Variants in DPYD observed in about 807,000 individuals in gnomAD.
The protein encoded by DPYD is dihydropyrimidine dehydrogenase, also known as dihydropyrimidine dehydrogenase [NADP(+)].
Under a neutral mutation model 116.2 loss-of-function variants are expected in DPYD, and 109 were observed. The observed-to-expected ratio is 0.94, with a 90% CI of 0.80 to 1.10. The LOEUF is 1.10. Ranked by LOEUF, DPYD falls within the 50% of genes least tolerant of loss-of-function variation. DPYD has a pLI of 0.00. For missense variants in DPYD, 1,302 were observed against 1,254.5 expected, an observed-to-expected ratio of 1.04 and a Z score of -0.57; for synonymous variants, 440 against 432.0, an observed-to-expected ratio of 1.02 and a Z score of -0.23.
rs1205941744 is a variant in DPYD at position 97,370,456 on chromosome 1, T to A, written c.2058+3105A>T. Among the ~76,000 whole-genome samples, 3 of 152,000 alleles carry A rather than the reference T, an allele frequency of 2.0e-5. No individual in the cohort carries two copies. In the East Asian group the frequency reaches 5.8e-4, roughly 29 times the overall value. ...AGAGGGCTGAGAGCATTAGGACAAA[T>A]ATCTAATGCATGCAGGGCTTAAAAC... On this transcript the variant is annotated intron_variant, in intron 16 of 22. Transcript: ENST00000370192.
intron 5 of DPYD, among the ~76,000 whole-genome samples, chr1:97,717,550 T>G (rs1270027355): frequency 1.3e-5 from 2 of 152,026 alleles, no homozygotes; most frequent in Admixed American, 6.6e-5. Flanking sequence ...ACCCAAGTAG[T>G]GTACACTGTA....
chr1:97,352,748 T>C (rs1423663754), intron 16 of DPYD, among the ~76,000 whole-genome samples: 1 of 152,172 alleles, frequency 6.6e-6, no homozygotes, highest in Non-Finnish European at 1.5e-5. Context: ...GACACGTGTT[T>C]GGGGTTCTTG....
chr1:97,513,627 G>A (rs538578892), intron 13 of DPYD, among the ~76,000 whole-genome samples: 1 of 151,758 alleles, frequency 6.6e-6, no homozygotes, highest in East Asian at 1.9e-4. Context: ...ATCTAAATTG[G>A]TATACTATAA....
intron 20 of DPYD, among the ~76,000 whole-genome samples, chr1:97,176,899 G>GTGTGTGT (rs933971129): frequency 8.7e-5 from 3 of 34,536 alleles, no homozygotes; most frequent in African/African-American, 1.3e-4. Flanking sequence ...TGTGTGTGTA[G>GTGTGTGT]GGGGGGTGTC....
chr1:97,779,497 T>C (rs898369649), intron 3 of DPYD, among the ~76,000 whole-genome samples: 1 of 152,094 alleles, frequency 6.6e-6, no homozygotes, highest in Non-Finnish European at 1.5e-5. Flanking sequence ...AGTACCTGTC[T>C]ACATATAACC....
At chr1:97,190,912 A>G (rs1432925925) in intron 20 of DPYD, among the ~76,000 whole-genome samples, 3 of 152,160 alleles carry the variant, frequency 2.0e-5, no homozygotes, top group Non-Finnish European at 4.4e-5. Flanking sequence ...TCCTGTGTAA[A>G]GAAGCCAGAT....
chr1:97,518,368 T>C (rs1379337504), intron 12 of DPYD, among the ~76,000 whole-genome samples: 1 of 152,092 alleles, frequency 6.6e-6, no homozygotes, highest in Non-Finnish European at 1.5e-5. Flanking sequence ...AGCTTTGTCT[T>C]TGTCGTGCTA....
intron 14 of DPYD, among the ~76,000 whole-genome samples, chr1:97,424,677 G>A (rs561993242): frequency 6.6e-6 from 1 of 151,982 alleles, no homozygotes; most frequent in South Asian, 2.1e-4. Flanking sequence ...TCGTAAGATC[G>A]ATGTTTCTCC....
intron 1 of DPYD, among the ~76,000 whole-genome samples, chr1:97,884,687 C>T (rs138962349): frequency 6.6e-6 from 1 of 152,114 alleles, no homozygotes; most frequent in East Asian, 1.9e-4. Context: ...ATCACTGAAA[C>T]ATCTCTACCA....
chr1:97,818,652 A>G (rs1031230926), intron 3 of DPYD, among the ~76,000 whole-genome samples: 1 of 152,030 alleles, frequency 6.6e-6, no homozygotes, highest in African/African-American at 2.4e-5. Flanking sequence ...TTGAGCAGTG[A>G]GATTGGAAAC....
chr1:97,848,171 C>A (rs1332861848), intron 2 of DPYD, among the ~76,000 whole-genome samples: 3 of 152,158 alleles, frequency 2.0e-5, no homozygotes, highest in Non-Finnish European at 4.4e-5. Context: ...GATCTTGGCT[C>A]ACTGCAAGCT....
At chr1:97,683,647 AG>A (rs1435846125) in intron 7 of DPYD, among the ~76,000 whole-genome samples, 1 of 152,090 alleles carries the variant, frequency 6.6e-6, no homozygotes, top group Non-Finnish European at 1.5e-5. Context: ...TTACAAAAAA[AG>A]GTATAAATAA....
At chr1:97,466,483 G>A (rs1049273210) in intron 13 of DPYD, among the ~76,000 whole-genome samples, 3 of 151,162 alleles carry the variant, frequency 2.0e-5, no homozygotes, top group Admixed American at 6.6e-5. Context: ...AGTAACAATC[G>A]AGTCAGTCAC....
intron 4 of DPYD, among the ~76,000 whole-genome samples, chr1:97,725,926 T>G (rs954902296): frequency 6.6e-6 from 1 of 151,530 alleles, no homozygotes; most frequent in African/African-American, 2.4e-5. Flanking sequence ...GCAAATGTAC[T>G]AGACATCAGT....
intron 8 of DPYD, among the ~76,000 whole-genome samples, chr1:97,597,220 CT>C (rs1189540355): frequency 6.6e-6 from 1 of 152,190 alleles, no homozygotes; most frequent in Non-Finnish European, 1.5e-5. Context: ...ATTAGCTTTT[CT>C]TTCCAGTTTA....
chr1:97,613,669 G>A (rs985930245), intron 8 of DPYD, among the ~76,000 whole-genome samples: 10 of 151,934 alleles, frequency 6.6e-5, no homozygotes, highest in Non-Finnish European at 1.0e-4. Context: ...CATGAATATA[G>A]CGTTTAAGTA....
chr1:97,607,236 T>C (rs1202999155), intron 8 of DPYD, among the ~76,000 whole-genome samples: 1 of 151,936 alleles, frequency 6.6e-6, no homozygotes. Context: ...TTTGGTCCCT[T>C]GTGGTTATAA....
chr1:97,858,692 T>TA (rs532856875), intron 2 of DPYD, among the ~76,000 whole-genome samples: 1 of 151,940 alleles, frequency 6.6e-6, no homozygotes, highest in Non-Finnish European at 1.5e-5. Flanking sequence ...TAAACTGGTT[T>TA]AAAAAAAATG....
intron 5 of DPYD, chr1:97,700,165 C>G (rs1341994134): frequency 4.4e-6 from 2 of 453,140 alleles, no homozygotes; most frequent in Admixed American, 2.4e-5. Context: ...GTCACTTTTC[C>G]CCTGAGGGAT....
Sources: allele counts gnomAD v4.1 joint callset (sites outside exome capture counted in the v4.1 genomes callset), GRCh38; gene constraint gnomAD v4.1.1; transcripts MANE v1.5; gene names NCBI Gene and HGNC (gene_info 2026-07-23, HGNC 2026-07-21).